The following INPP4B variants were observed in gnomAD, a reference collection of about 807,000 sequenced individuals.
The protein encoded by INPP4B is inositol polyphosphate 4-phosphatase type II.
INPP4B carries 55 observed loss-of-function variants against 122.5 expected under a neutral mutation model. That is an observed-to-expected ratio of 0.45 (90% CI 0.36 to 0.56). The LOEUF is 0.56. INPP4B is among the 20% of genes least tolerant of loss of function. The pLI, the probability that INPP4B is intolerant of heterozygous loss-of-function variation, is 0.00. For missense variants in INPP4B, 1,000 were observed against 1,097.7 expected (o/e 0.91, Z 1.26); for synonymous variants, 403 against 388.7 (o/e 1.04, Z -0.43).
At chr4:142,157,089 G>A (rs566044518) in intron 17 of INPP4B, among the ~76,000 whole-genome samples, 236 of 152,188 alleles carry the variant, frequency 1.6e-3, no homozygotes, top group African/African-American at 5.5e-3. Flanking sequence ...GACTAGACTT[G>A]TAATCAGCAC....
chr4:142,028,800 A>G lies in INPP4B; in HGVS notation c.2757T>C (p.Tyr919=), dbSNP rs766949728. The change falls in exon 26 of 26, where the codon TAT becomes TAC. Residue 919 remains tyrosine, a synonymous_variant. Coordinates refer to ENST00000262992, the MANE Select transcript of INPP4B (RefSeq NM_001101669.3). ...GGTAAACTTAGGTGTCAGCTTTTCC[A>G]TAAGTCCCCTCTGGAGGTCTGTAGT... is the stretch of plus-strand genomic sequence containing the variant. The part of the protein sequence containing the change: ...PKYYRPPEGT[Y]GKADT 67 of 1,610,932 alleles carry G rather than the reference A, an allele frequency of 4.2e-5. No individual in the cohort carries two copies. Among genetic ancestry groups the G allele is most frequent in the Non-Finnish European group, 5.5e-5 (65 of 1,179,014 alleles).
At chr4:142,423,038 T>C (rs570063266) in intron 5 of INPP4B, among the ~76,000 whole-genome samples, 4 of 152,152 alleles carry the variant, frequency 2.6e-5, no homozygotes, top group East Asian at 1.9e-4. Context: ...TAGCATGCCA[T>C]GTAAAAGGCA....
At position 142,133,780 on chromosome 4, in the gene INPP4B, A is replaced by G. The variant is rs138277902; in HGVS notation, c.1721-9020T>C. ...ATGCTTCAAGGCTGCTGTAATAGCT[A>G]TTTTCTATGACCAATATATCCTTTC... On this transcript the variant is annotated intron_variant, in intron 18 of 25. Coordinates refer to ENST00000262992, the MANE Select transcript of INPP4B (RefSeq NM_001101669.3). Among the ~76,000 whole-genome samples, 277 of 152,168 alleles carry G rather than the reference A, an allele frequency of 1.8e-3. 1 individual carries two copies. Among genetic ancestry groups the G allele is most frequent in the Admixed American group, 3.9e-3 (60 of 15,278 alleles).
intron 23 of INPP4B, among the ~76,000 whole-genome samples, chr4:142,092,843 T>C (rs1780182874): frequency 6.6e-6 from 1 of 152,118 alleles, no homozygotes; most frequent in East Asian, 1.9e-4. Context: ...CAAGTCAGAG[T>C]ATTTCTGGAG....
At chr4:142,523,187 A>G (rs992607212) in intron 2 of INPP4B, among the ~76,000 whole-genome samples, 4 of 152,186 alleles carry the variant, frequency 2.6e-5, no homozygotes, top group Admixed American at 2.0e-4. Flanking sequence ...AATTTATTAC[A>G]AACGCAAATA....
chr4:142,156,752 A>G (rs935232994), intron 17 of INPP4B, among the ~76,000 whole-genome samples: 2 of 152,138 alleles, frequency 1.3e-5, no homozygotes, highest in Non-Finnish European at 2.9e-5. Context: ...GGACAGCCTC[A>G]TAGTGATTTA....
chr4:142,672,661 C>G (rs971467259), intron 2 of INPP4B, among the ~76,000 whole-genome samples: 6 of 152,170 alleles, frequency 3.9e-5, no homozygotes, highest in Admixed American at 6.6e-5. Context: ...ATTTCCATAT[C>G]ACACATGTGT....
intron 22 of INPP4B, among the ~76,000 whole-genome samples, chr4:142,109,371 T>C (rs762281118): frequency 2.6e-5 from 4 of 152,150 alleles, no homozygotes; most frequent in Non-Finnish European, 5.9e-5. Context: ...ATGCAATAAA[T>C]GAAATGTTGG....
At position 142,153,268 on chromosome 4, in the gene INPP4B, C is replaced by T. The variant is rs566541717; in HGVS notation, c.1563+7090G>A. On this transcript the variant is annotated intron_variant, in intron 17 of 25. Transcript: ENST00000262992. ...TGTGTTGTGCACAACCATTTTCAAA[C>T]ACCAATTCTTTTTAATTGTATGAAC... Among the ~76,000 whole-genome samples the T allele has an allele frequency of 5.3e-5, 8 of 152,254 alleles. No individual in the cohort carries two copies. The East Asian group carries it at 1.5e-3, about 29-fold the overall frequency.
At chr4:142,710,876 A>G (rs142455724) in intron 2 of INPP4B, among the ~76,000 whole-genome samples, 39 of 152,314 alleles carry the variant, frequency 2.6e-4, no homozygotes, top group Non-Finnish European at 4.4e-5. Flanking sequence ...CTTTTGTGAC[A>G]ACACAAATGA....
intron 2 of INPP4B, among the ~76,000 whole-genome samples, chr4:142,561,338 T>C (rs77789542): frequency 0.054 from 8,268 of 152,276 alleles, 270 homozygotes; most frequent in South Asian, 0.068. Context: ...ATTTCACTTG[T>C]CTAGATATGC....
At chr4:142,030,394 T>G (rs573178227) in intron 25 of INPP4B, 1 of 1,070,548 alleles carries the variant, frequency 9.3e-7, no homozygotes, top group African/African-American at 1.6e-5. Context: ...TGAAATACAA[T>G]GCATTATCTT....
chr4:142,029,477 G>T lies in INPP4B; in HGVS notation c.2643-563C>A, dbSNP rs544389374. 3 of 985,756 alleles carry T rather than the reference G, an allele frequency of 3.0e-6. No individual in the cohort carries two copies. In the East Asian group the frequency reaches 3.4e-4, roughly 112 times the overall value. 61.1% of individuals were successfully genotyped at this position (985,756 alleles called of 1,614,324 possible). On this transcript the variant is annotated intron_variant, in intron 25 of 25. Transcript: ENST00000262992. ...GTGCTTGTCCACGGACAGTACAAAA[G>T]TCACAAGTGCTGGGAATGGTACATC...
chr4:142,424,517 G>T (rs980612277), intron 5 of INPP4B, among the ~76,000 whole-genome samples: 1 of 151,946 alleles, frequency 6.6e-6, no homozygotes, highest in Non-Finnish European at 1.5e-5. Context: ...TTCCAATCTT[G>T]TTATCTTGCA....
chr4:142,834,425 G>A (rs17016816), intron 1 of INPP4B, among the ~76,000 whole-genome samples: 10,788 of 152,060 alleles, frequency 0.071, 1,294 homozygotes, highest in African/African-American at 0.25. Flanking sequence ...TGGAGACAAA[G>A]TGGCCACCAT....
intron 9 of INPP4B, among the ~76,000 whole-genome samples, chr4:142,272,181 CT>C (rs1041095776): frequency 1.3e-5 from 2 of 151,850 alleles, no homozygotes; most frequent in Non-Finnish European, 2.9e-5. Flanking sequence ...CTAAATGCTG[CT>C]TTTTTTTAGT....
rs1805153003 is a variant in INPP4B, at chr4:142,414,027, T to G, written c.137-8703A>C. On this transcript the variant is annotated intron_variant, in intron 5 of 25. Coordinates refer to ENST00000262992, the MANE Select transcript of INPP4B (RefSeq NM_001101669.3). ...ATAGGTAATAATTTGCAAGAGGGAA[T>G]TTAAGAGATTTTATTGTAGAAATAT... Among the ~76,000 whole-genome samples, 5 of 152,108 alleles carry G rather than the reference T, an allele frequency of 3.3e-5. No homozygotes were observed. In the South Asian group the frequency reaches 1.0e-3, roughly 31 times the overall value.
chr4:142,381,782 C>CT (rs373066836), intron 7 of INPP4B, among the ~76,000 whole-genome samples: 2 of 151,984 alleles, frequency 1.3e-5, no homozygotes, highest in Admixed American at 6.6e-5. Flanking sequence ...TTTACCTGCA[C>CT]TTTTTTTCTT....
chr4:142,426,816 A>G (rs549141316), intron 5 of INPP4B: 1 of 151,962 alleles, frequency 6.6e-6, no homozygotes, highest in Admixed American at 6.6e-5. Flanking sequence ...CTAATTTAGA[A>G]AGCAAGGTCA....
Sources: allele counts gnomAD v4.1 joint callset (sites outside exome capture counted in the v4.1 genomes callset), GRCh38; gene constraint gnomAD v4.1.1; transcripts MANE v1.5; gene names NCBI Gene and HGNC (gene_info 2026-07-23, HGNC 2026-07-21).